HDAC1: variants seen among roughly 807,000 people sequenced by gnomAD.
HDAC1 encodes histone deacetylase 1, also known as protein deacetylase HDAC1.
A neutral mutation model predicts 65.5 loss-of-function variants in HDAC1; 18 were observed. The ratio of observed to expected loss-of-function variants is 0.27; its 90% CI spans 0.19 to 0.41. The LOEUF is 0.41. Among genes scored for constraint, HDAC1 ranks in the 10% least tolerant of loss-of-function variants. The pLI, the probability that HDAC1 is intolerant of heterozygous loss-of-function variation, is 1.00. For missense variants in HDAC1, 373 were observed against 625.2 expected (o/e 0.60, Z 4.30); for synonymous variants, 211 against 227.9 (o/e 0.93, Z 0.67).
At chr1:32,309,945 G>C (rs1640968104) in intron 2 of HDAC1, among the ~76,000 whole-genome samples, 1 of 151,966 alleles carries the variant, frequency 6.6e-6, no homozygotes, top group Non-Finnish European at 1.5e-5. Context: ...ATGTGAGAGA[G>C]ATGGCCCTTG....
At chr1:32,299,039 G>A (rs1640810077) in intron 1 of HDAC1, among the ~76,000 whole-genome samples, 1 of 151,938 alleles carries the variant, frequency 6.6e-6, no homozygotes, top group African/African-American at 2.4e-5. Flanking sequence ...TAAATAAAAA[G>A]GACCATTTCT....
At chr1:32,308,058 G>A (rs1342895073) in intron 2 of HDAC1, among the ~76,000 whole-genome samples, 1 of 152,216 alleles carries the variant, frequency 6.6e-6, no homozygotes, top group Non-Finnish European at 1.5e-5. Flanking sequence ...AGTGGCTCAC[G>A]CCTGTAATCC....
chr1:32,293,692 A>G (rs1640728191), intron 1 of HDAC1, among the ~76,000 whole-genome samples: 1 of 152,040 alleles, frequency 6.6e-6, no homozygotes, highest in Admixed American at 6.6e-5. Context: ...TCATGAGGTC[A>G]GGAGTTCAAG....
intron 2 of HDAC1, among the ~76,000 whole-genome samples, chr1:32,305,391 T>G (rs1640897705): frequency 6.6e-6 from 1 of 152,154 alleles, no homozygotes; most frequent in East Asian, 1.9e-4. Context: ...TATGCACATA[T>G]TCACCTGTGT....
intron 2 of HDAC1, among the ~76,000 whole-genome samples, chr1:32,310,262 A>G (rs1317141400): frequency 6.6e-6 from 1 of 152,220 alleles, no homozygotes; most frequent in Non-Finnish European, 1.5e-5. Context: ...CCTGGCATAC[A>G]GCACAAAATA....
intron 3 of HDAC1, among the ~76,000 whole-genome samples, chr1:32,324,136 T>C (rs1028832490): frequency 6.6e-6 from 1 of 150,804 alleles, no homozygotes; most frequent in Non-Finnish European, 1.5e-5. Context: ...TAGCTGGGTA[T>C]AGTGGCATGC....
At chr1:32,317,321 C>G (rs1641078334) in intron 3 of HDAC1, among the ~76,000 whole-genome samples, 1 of 152,118 alleles carries the variant, frequency 6.6e-6, no homozygotes, top group Non-Finnish European at 1.5e-5. Flanking sequence ...ATCTTGGAAG[C>G]CACGCTTAGT....
chr1:32,308,648 A>G (rs974609393), intron 2 of HDAC1, among the ~76,000 whole-genome samples: 3 of 151,768 alleles, frequency 2.0e-5, no homozygotes, highest in African/African-American at 7.3e-5. Flanking sequence ...CCTCCCGAGT[A>G]GCTGGGACTA....
intron 2 of HDAC1, among the ~76,000 whole-genome samples, chr1:32,312,958 G>A (rs902511541): frequency 2.0e-5 from 3 of 152,266 alleles, no homozygotes; most frequent in Non-Finnish European, 4.4e-5. Context: ...TTATAGGCGT[G>A]AGCCACCGCA....
At position 32,333,126 on chromosome 1, in the gene HDAC1, CTGTG is replaced by C. The variant is rs1641321834; in HGVS notation, c.*84_*87del. The C allele has an allele frequency of 2.7e-6, 3 of 1,107,722 alleles. No homozygotes were observed. Among genetic ancestry groups the C allele is most frequent in the Non-Finnish European group, 3.9e-6 (3 of 761,630 alleles). The allele number at this position is 1,107,722 out of a possible 1,614,324, so 68.6% of individuals were successfully genotyped here. ...CTCAGATTTTATATTTTCTATTTCT[CTGTG>C]TATTTATATAAAAATTTATTAAATA... is the stretch of plus-strand genomic sequence containing the variant. On this transcript the variant is annotated 3_prime_UTR_variant, in exon 14 of 14. Transcript: ENST00000373548.
intron 1 of HDAC1, among the ~76,000 whole-genome samples, chr1:32,294,231 C>T (rs1640736641): frequency 6.6e-6 from 1 of 151,914 alleles, no homozygotes; most frequent in Non-Finnish European, 1.5e-5. Flanking sequence ...CAACTGCAAC[C>T]TCCACCTCCC....
At chr1:32,296,800 G>A (rs905217872) in intron 1 of HDAC1, among the ~76,000 whole-genome samples, 8 of 152,214 alleles carry the variant, frequency 5.3e-5, no homozygotes, top group Non-Finnish European at 1.2e-4. Context: ...AAAATAGCCA[G>A]AAGAGAGGGA....
In HDAC1 at chr1:32,332,748, G is replaced by A. The variant is rs202025978; in HGVS notation, c.1420G>A (p.Gly474Arg). 3 of 1,554,220 alleles carry A rather than the reference G, an allele frequency of 1.9e-6. No homozygotes were observed. The highest frequency in any genetic ancestry group is 2.4e-5 in the South Asian group (2 of 84,190). ...KTKEEKPEAK[G>R]VKEEVKLA ...CAAGGAGGAGAAGCCAGAAGCCAAA[G>A]GGTGAGGAAGGAGCTGCCTGTGGCC... Residue 474 changes from glycine (G) to arginine (R), a missense_variant and splice_region_variant, in exon 13 of 14, where the codon GGG (glycine) becomes AGG (arginine). Gly to Arg is a moderately radical substitution (Grantham distance 125). This residue lies in a region of HDAC1 where 126 missense variants were observed against 126.2 expected (regional missense o/e 1.00). Transcript: ENST00000373548.
intron 3 of HDAC1, among the ~76,000 whole-genome samples, chr1:32,320,698 G>T (rs371343918): frequency 1.6e-4 from 24 of 152,030 alleles, no homozygotes; most frequent in East Asian, 5.8e-4. Context: ...CCAGGAGTTT[G>T]AGACCAGCCT....
At chr1:32,293,070 C>G (rs1201309860) in intron 1 of HDAC1, among the ~76,000 whole-genome samples, 1 of 152,188 alleles carries the variant, frequency 6.6e-6, no homozygotes, top group Non-Finnish European at 1.5e-5. Context: ...CCTGTAATCC[C>G]AGCACTTTGG....
At chr1:32,302,218 A>C (rs564892699) in intron 1 of HDAC1, among the ~76,000 whole-genome samples, 6 of 152,184 alleles carry the variant, frequency 3.9e-5, no homozygotes, top group Non-Finnish European at 7.3e-5. Context: ...TGACACCATA[A>C]GTGTTACAAT....
At chr1:32,326,222 G>A (rs556527124) in intron 4 of HDAC1, among the ~76,000 whole-genome samples, 8 of 150,904 alleles carry the variant, frequency 5.3e-5, no homozygotes, top group South Asian at 4.2e-4. Context: ...GTGCAGTGGC[G>A]TGATCTTGGC....
intron 6 of HDAC1, among the ~76,000 whole-genome samples, chr1:32,328,120 G>A (rs939937551): frequency 1.3e-5 from 2 of 152,280 alleles, no homozygotes; most frequent in African/African-American, 2.4e-5. Flanking sequence ...TAATAGACAA[G>A]TCCCCTTACT....
chr1:32,312,599 G>C (rs1334034513), intron 2 of HDAC1, among the ~76,000 whole-genome samples: 1 of 152,084 alleles, frequency 6.6e-6, no homozygotes, highest in East Asian at 1.9e-4. Flanking sequence ...GACTTCAAGT[G>C]ATCTGCCCCG....
Sources: gnomAD v4.1 joint callset for allele counts (sites outside exome capture counted in the v4.1 genomes callset) on GRCh38, gnomAD v4.1.1 for gene constraint, gnomAD v4.1.1 regional missense constraint, MANE v1.5 for transcripts, NCBI Gene and HGNC (gene_info 2026-07-23, HGNC 2026-07-21) for gene names.